CANX: variants seen among roughly 807,000 people sequenced by gnomAD.
The protein encoded by CANX is calnexin.
Under a neutral mutation model 75.7 loss-of-function variants are expected in CANX, and 14 were observed. That is an observed-to-expected ratio of 0.19 (90% CI 0.12 to 0.29). The LOEUF is 0.29. CANX is among the 10% of genes least tolerant of loss of function. CANX has a pLI of 1.00. For synonymous variants in CANX, 227 were observed against 236.9 expected, an observed-to-expected ratio of 0.96 and a Z score of 0.38; for missense variants, 567 against 713.2, an observed-to-expected ratio of 0.79 and a Z score of 2.34.
rs577023538 is a variant in CANX at position 179,686,916 on chromosome 5, T to A, written c.-4+8139T>A. Among the ~76,000 whole-genome samples, 5 of 152,308 alleles carry A rather than the reference T, an allele frequency of 3.3e-5. No individual in the cohort carries two copies. In the East Asian group the frequency reaches 9.6e-4, roughly 29 times the overall value. On this transcript the variant is annotated intron_variant, in intron 1 of 14. Coordinates refer to the CANX transcript ENST00000681674. ...CCTCAGCCTCCTGAGTAGCTGGGAC[T>A]ACAGGTGCCTGCCACCATGCCTGGC...
At chr5:179,680,595 A>C (rs1200127902) in intron 1 of CANX, among the ~76,000 whole-genome samples, 1 of 152,080 alleles carries the variant, frequency 6.6e-6, no homozygotes, top group Non-Finnish European at 1.5e-5. Context: ...ACTAAACATG[A>C]CTTTTATTCC....
In CANX at chr5:179,716,228, G is replaced by T; in HGVS notation, c.845G>T (p.Arg282Leu). 6.2e-7 allele frequency: 1 copy of T among 1,614,112 alleles called. No individual in the cohort carries two copies. Among genetic ancestry groups the T allele is most frequent in the Non-Finnish European group, 8.5e-7 (1 of 1,179,988 alleles). The change falls in exon 8 of 15, where the codon CGG becomes CTG. Residue 282 changes from arginine (R) to leucine (L), a missense_variant. This residue lies in a region of CANX where 351 missense variants were observed against 433.8 expected (regional missense o/e 0.81). Transcript: ENST00000247461. ...PSREIEDPEDRKPEDWDERPK... is the reference protein window; with the variant it reads ...PSREIEDPEDLKPEDWDERPK... ...CGTGAAATTGAGGACCCAGAAGACCGGAAGCCCGAGGATTGGGATGAAAGA... is the reference window on the plus strand; with the variant it reads ...CGTGAAATTGAGGACCCAGAAGACCTGAAGCCCGAGGATTGGGATGAAAGA...
Position 179,709,766 on chromosome 5 carries a change from C to T in CANX, c.529-107C>T, listed in dbSNP as rs973555879. 17 of 691,112 alleles carry T rather than the reference C, an allele frequency of 2.5e-5. No individual in the cohort carries two copies. The Admixed American group carries it at 3.0e-4, about 12-fold the overall frequency. 42.8% of individuals were successfully genotyped at this position (691,112 alleles called of 1,614,324 possible). A position where few individuals can be genotyped will look rare whatever the true frequency, so the allele number is the denominator to read the frequency against. ...TAGTTAGCTTTTCCTTTAACTGTCACTAATATATTTGGAATTTTATAAGAG... is the reference window on the plus strand; with the variant it reads ...TAGTTAGCTTTTCCTTTAACTGTCATTAATATATTTGGAATTTTATAAGAG... On this transcript the variant is annotated intron_variant, in intron 6 of 14. Coordinates refer to ENST00000247461, the MANE Select transcript of CANX (RefSeq NM_001746.4).
intron 8 of CANX, among the ~76,000 whole-genome samples, chr5:179,717,081 T>C (rs1359063029): frequency 6.6e-6 from 1 of 152,180 alleles, no homozygotes; most frequent in Non-Finnish European, 1.5e-5. Flanking sequence ...TGGCTGTCTT[T>C]GAACTTGCAA....
chr5:179,679,333 G>A (rs796647489), intron 1 of CANX: 7 of 1,315,758 alleles, frequency 5.3e-6, no homozygotes, highest in Non-Finnish European at 7.1e-6. Flanking sequence ...CGAGGCCGGC[G>A]GACATGTCTT....
At chr5:179,706,216 C>A in intron 2 of CANX, 42 bp from the exon 3 acceptor site, 1 of 1,125,214 alleles carries the variant, frequency 8.9e-7, no homozygotes, top group Non-Finnish European at 1.3e-6. Context: ...AGGCATGTTG[C>A]TGAAAATTTA....
intron 8 of CANX, among the ~76,000 whole-genome samples, chr5:179,717,986 G>A (rs1339606145): frequency 6.6e-6 from 1 of 152,130 alleles, no homozygotes; most frequent in Non-Finnish European, 1.5e-5. Context: ...AAAGTGCTGG[G>A]ATTGCAGGCG....
chr5:179,692,087 T>C (rs1776308359), intron 1 of CANX, among the ~76,000 whole-genome samples: 1 of 149,936 alleles, frequency 6.7e-6, no homozygotes, highest in African/African-American at 2.5e-5. Flanking sequence ...GCCTATTTTT[T>C]TTTTTGAGAC....
intron 1 of CANX, among the ~76,000 whole-genome samples, chr5:179,684,497 GC>G (rs752040660): frequency 3.9e-4 from 58 of 148,086 alleles, no homozygotes; most frequent in Non-Finnish European, 8.2e-4. Context: ...CCGCCACCAC[GC>G]CCGGCTAATT....
chr5:179,694,170 G>T (rs1328523082), upstream of CANX: 3 of 218,894 alleles, frequency 1.4e-5, no homozygotes, highest in South Asian at 1.0e-4. Context: ...AAAAAAAAAA[G>T]GAATGAGAGC....
At chr5:179,680,290 C>T (rs560112206) in intron 1 of CANX, among the ~76,000 whole-genome samples, 50 of 152,140 alleles carry the variant, frequency 3.3e-4, no homozygotes, top group African/African-American at 1.1e-3. Flanking sequence ...ATTAGAAAGC[C>T]GGGGTTAGAT....
At chr5:179,708,564 T>G (rs1417205551) in intron 5 of CANX, among the ~76,000 whole-genome samples, 184 bp downstream of exon 5, 1 of 152,244 alleles carries the variant, frequency 6.6e-6, no homozygotes, top group African/African-American at 2.4e-5. Context: ...TGAAAGAAAC[T>G]GGTTACTTAT....
chr5:179,712,585 ATTTT>A (rs755031455), intron 7 of CANX, among the ~76,000 whole-genome samples: 1 of 133,324 alleles, frequency 7.5e-6, no homozygotes. Context: ...CGCCTGGCTA[ATTTT>A]TTTTTTTTTT....
chr5:179,685,046 G>T (rs1287156194), intron 1 of CANX, among the ~76,000 whole-genome samples: 4 of 149,306 alleles, frequency 2.7e-5, no homozygotes, highest in Non-Finnish European at 4.4e-5. Flanking sequence ...CCAAAGTGCT[G>T]GGATTACAGG....
chr5:179,710,759 A>G (rs1369877667), intron 7 of CANX, among the ~76,000 whole-genome samples: 4 of 146,482 alleles, frequency 2.7e-5, no homozygotes, highest in Admixed American at 1.4e-4. Flanking sequence ...GCCTCCAAAC[A>G]AGAAGAATCT....
At chr5:179,712,521 C>T (rs1161555817) in intron 7 of CANX, among the ~76,000 whole-genome samples, 7 of 151,680 alleles carry the variant, frequency 4.6e-5, no homozygotes, top group East Asian at 1.9e-4. Context: ...TGCATTCAAG[C>T]GATTCTCCTG....
chr5:179,723,673 G>A lies in CANX; in HGVS notation c.1412G>A (p.Gly471Glu). The A allele has an allele frequency of 6.2e-7, 1 of 1,613,424 alleles. No homozygotes were observed. The change falls in exon 12 of 15, where the codon GGG (glycine) becomes GAG (glutamate). Residue 471 changes from glycine to glutamate, a missense_variant. By Grantham distance (98) the Gly-to-Glu change is moderately conservative. Coordinates refer to ENST00000247461, the MANE Select transcript of CANX (RefSeq NM_001746.4). ...CTTGTTTTTCAGCCAGGCGTTGTGG[G>A]GCAGATGATCGAGGCAGCTGAAGAG... Reference protein sequence around the residue: ...ADGAAEPGVVGQMIEAAEERP... With the variant: ...ADGAAEPGVVEQMIEAAEERP...
At chr5:179,690,895 AAAT>A (rs1168324858) in intron 1 of CANX, among the ~76,000 whole-genome samples, 2 of 152,212 alleles carry the variant, frequency 1.3e-5, no homozygotes, top group Non-Finnish European at 2.9e-5. Context: ...TCAAAAAAAA[AAAT>A]AATAAGTAAC....
At chr5:179,725,218 T>A (rs1391611128) in intron 13 of CANX, among the ~76,000 whole-genome samples, 2 of 151,740 alleles carry the variant, frequency 1.3e-5, no homozygotes, top group Non-Finnish European at 2.9e-5. Context: ...TTTATTGATT[T>A]ATTTATTTGA....
Sources: allele counts gnomAD v4.1 joint callset (sites outside exome capture counted in the v4.1 genomes callset), GRCh38; gene constraint gnomAD v4.1.1; regional missense constraint gnomAD v4.1.1; transcripts MANE v1.5; gene names NCBI Gene and HGNC (gene_info 2026-07-23, HGNC 2026-07-21).